Variants in FGF13 observed in about 807,000 individuals in gnomAD.
FGF13 encodes the protein fibroblast growth factor 13.
A neutral mutation model predicts 19.5 loss-of-function variants in FGF13; 2 were observed. The observed-to-expected ratio is 0.10, with a 90% CI of 0.04 to 0.32. The LOEUF (loss-of-function observed/expected upper bound fraction) is 0.32, where lower values mean the gene tolerates loss of function less well. Among genes scored for constraint, FGF13 ranks in the 10% least tolerant of loss-of-function variants. The pLI, the probability that FGF13 is intolerant of heterozygous loss-of-function variation, is 1.00. For missense variants in FGF13, 113 were observed against 192.7 expected, an observed-to-expected ratio of 0.59 and a Z score of 2.45; for synonymous variants, 72 against 76.9, an observed-to-expected ratio of 0.94 and a Z score of 0.33.
chrX:139,028,433 G>A (rs1276356712), intron 1 of FGF13, among the ~76,000 whole-genome samples: 2 of 111,246 alleles, frequency 1.8e-5, no homozygotes, highest in African/African-American at 3.3e-5. Context: ...CTGGAATTGA[G>A]GCAATAGAGC....
At chrX:138,727,620 A>G (rs2090195273) in intron 1 of FGF13, among the ~76,000 whole-genome samples, 1 of 111,583 alleles carries the variant, frequency 9.0e-6, no homozygotes, top group Non-Finnish European at 1.9e-5. Flanking sequence ...TAGATTTACC[A>G]TAGAAATACA....
At chrX:139,196,844 CATGAG>C (rs1319903017) in intron 1 of FGF13, among the ~76,000 whole-genome samples, 1 of 112,180 alleles carries the variant, frequency 8.9e-6, no homozygotes, top group Non-Finnish European at 1.9e-5. Flanking sequence ...ATGAAGATTT[CATGAG>C]ATATTTCATG....
intron 3 of FGF13, among the ~76,000 whole-genome samples, chrX:138,829,415 T>C (rs926815772): frequency 2.6e-4 from 29 of 111,022 alleles, no homozygotes; most frequent in Non-Finnish European, 4.9e-4. Flanking sequence ...TTCTCTTCCT[T>C]CCTCTCTCAC....
chrX:138,968,010 G>A (rs953721181), intron 1 of FGF13, among the ~76,000 whole-genome samples: 1 of 111,072 alleles, frequency 9.0e-6, no homozygotes, highest in Non-Finnish European at 1.9e-5. Context: ...CCCCTAATTC[G>A]GCCAGCTACT....
At chrX:138,928,881 C>T (rs1398658438) in intron 1 of FGF13, among the ~76,000 whole-genome samples, 2 of 111,856 alleles carry the variant, frequency 1.8e-5, no homozygotes, top group Non-Finnish European at 3.8e-5. Context: ...TCTCACCATG[C>T]CCCTCCATGG....
intron 1 of FGF13, among the ~76,000 whole-genome samples, chrX:139,117,147 A>G (rs1441355880): frequency 1.8e-5 from 2 of 111,432 alleles, no homozygotes; most frequent in African/African-American, 3.3e-5. Flanking sequence ...GTGGTTCTCA[A>G]CTGGGGGTAA....
At chrX:138,806,516 AGAATCT>A (rs2090869173) in intron 3 of FGF13, 1 of 113,196 alleles carries the variant, frequency 8.8e-6, no homozygotes, top group South Asian at 3.7e-4. Flanking sequence ...GGCCTCCAGA[AGAATCT>A]GAAGGGGACA....
chrX:138,930,023 C>T (rs778446064), intron 1 of FGF13, among the ~76,000 whole-genome samples: 3 of 111,382 alleles, frequency 2.7e-5, no homozygotes, highest in Non-Finnish European at 3.8e-5. Context: ...GCCTAAAAAG[C>T]GCAGCATGCA....
At chrX:139,046,742 A>G (rs1206371408) in intron 1 of FGF13, among the ~76,000 whole-genome samples, 1 of 111,667 alleles carries the variant, frequency 9.0e-6, no homozygotes, top group Non-Finnish European at 1.9e-5. Context: ...AAAGGAATGA[A>G]TGGAATAATA....
intron 1 of FGF13, among the ~76,000 whole-genome samples, chrX:139,133,341 C>T (rs960407560): frequency 1.2e-5 from 1 of 83,843 alleles, no homozygotes; most frequent in Admixed American, 1.4e-4. Context: ...GCTGGGACCA[C>T]GTGAAAAAAA....
At chrX:139,115,246 A>G (rs2083631283) in intron 1 of FGF13, among the ~76,000 whole-genome samples, 1 of 112,135 alleles carries the variant, frequency 8.9e-6, no homozygotes, top group Admixed American at 9.5e-5. Context: ...CAAATCTGCT[A>G]GTTGATTATC....
At chrX:139,039,897 T>A (rs889076701) in intron 1 of FGF13, among the ~76,000 whole-genome samples, 1 of 111,294 alleles carries the variant, frequency 9.0e-6, no homozygotes, top group African/African-American at 3.3e-5. Flanking sequence ...CAAGGGAAGG[T>A]GAAAAATATG....
intron 1 of FGF13, among the ~76,000 whole-genome samples, chrX:139,005,210 A>G (rs1359642761): frequency 4.5e-5 from 1 of 22,202 alleles, no homozygotes; most frequent in African/African-American, 1.5e-4. Flanking sequence ...CCCCCCCCCC[A>G]GCTCCAGGTG....
chrX:139,192,153 G>T (rs1045780095), intron 1 of FGF13, among the ~76,000 whole-genome samples: 8 of 111,911 alleles, frequency 7.1e-5, no homozygotes, highest in African/African-American at 1.9e-4. Flanking sequence ...GGCCGAGAAG[G>T]TCTTTAAGGT....
At chrX:139,021,407 A>G (rs2092177845) in intron 1 of FGF13, among the ~76,000 whole-genome samples, 1 of 111,445 alleles carries the variant, frequency 9.0e-6, no homozygotes, top group South Asian at 3.7e-4. Flanking sequence ...AAGTGACACA[A>G]AATGGCATAC....
chrX:138,690,433 C>T (rs747775509), intron 3 of FGF13, among the ~76,000 whole-genome samples: 3 of 110,608 alleles, frequency 2.7e-5, no homozygotes, highest in Non-Finnish European at 3.8e-5. Flanking sequence ...GTGTCATTGG[C>T]CAAACATGTG....
chrX:138,842,681 T>G (rs1231297107), intron 3 of FGF13, among the ~76,000 whole-genome samples: 1 of 111,004 alleles, frequency 9.0e-6, no homozygotes, highest in East Asian at 2.9e-4. Context: ...TTGGCAATAT[T>G]TGGACATATT....
At chrX:139,053,304 T>C (rs764618295) in intron 1 of FGF13, among the ~76,000 whole-genome samples, 7 of 111,378 alleles carry the variant, frequency 6.3e-5, no homozygotes, top group Non-Finnish European at 9.4e-5. Context: ...GTTCTACTTT[T>C]AGTTCTTTAA....
intron 3 of FGF13, among the ~76,000 whole-genome samples, chrX:138,667,999 TA>T (rs768339456): frequency 2.7e-5 from 3 of 111,001 alleles, no homozygotes; most frequent in South Asian, 3.8e-4. Context: ...TTCTTAGTCT[TA>T]AAAAAAATGA....
Sources: allele counts gnomAD v4.1 joint callset (sites outside exome capture counted in the v4.1 genomes callset), GRCh38; gene constraint gnomAD v4.1.1; transcripts MANE v1.5; gene names NCBI Gene and HGNC (gene_info 2026-07-23, HGNC 2026-07-21).